GFRAL: variants seen among roughly 807,000 people sequenced by gnomAD.
The protein encoded by GFRAL is GDNF family receptor alpha like.
In GFRAL, 36 loss-of-function variants were observed where a neutral mutation model predicts 45.4. The ratio of observed to expected loss-of-function variants is 0.79; its 90% CI spans 0.61 to 1.05. The LOEUF is 1.05. GFRAL is among the 50% of genes least tolerant of loss of function. GFRAL has a pLI of 0.00. For missense variants in GFRAL, 507 were observed against 467.5 expected, an observed-to-expected ratio of 1.08 and a Z score of -0.78; for synonymous variants, 166 against 154.1, an observed-to-expected ratio of 1.08 and a Z score of -0.57.
At chr6:55,386,978 C>T (rs1240525322) in intron 6 of GFRAL, among the ~76,000 whole-genome samples, 1 of 152,134 alleles carries the variant, frequency 6.6e-6, no homozygotes, top group Non-Finnish European at 1.5e-5. Context: ...TGTCTTCTAC[C>T]TTCATTTTCT....
At chr6:55,384,376 T>C (rs1267266026) in intron 6 of GFRAL, among the ~76,000 whole-genome samples, 1 of 152,062 alleles carries the variant, frequency 6.6e-6, no homozygotes, top group Non-Finnish European at 1.5e-5. Context: ...AAACTATTAC[T>C]ATATTCCAGA....
intron 2 of GFRAL, among the ~76,000 whole-genome samples, chr6:55,333,160 G>C (rs1054047307): frequency 1.2e-4 from 18 of 152,044 alleles, no homozygotes; most frequent in African/African-American, 4.1e-4. Context: ...TATGTATGAA[G>C]CTGAAATATG....
chr6:55,337,648 G>T (rs114265225), intron 3 of GFRAL, among the ~76,000 whole-genome samples: 2,346 of 152,188 alleles, frequency 0.015, 58 homozygotes, highest in African/African-American at 0.051. Flanking sequence ...TCTTCCATTT[G>T]CTGAATTTAT....
At chr6:55,361,440 T>C (rs1768273875) in intron 6 of GFRAL, among the ~76,000 whole-genome samples, 1 of 152,100 alleles carries the variant, frequency 6.6e-6, no homozygotes, top group African/African-American at 2.4e-5. Flanking sequence ...TAATACATGA[T>C]TTACATATAA....
chr6:55,331,181 TA>T (rs1406383345), intron 1 of GFRAL, among the ~76,000 whole-genome samples: 1 of 152,100 alleles, frequency 6.6e-6, no homozygotes, highest in Non-Finnish European at 1.5e-5. Flanking sequence ...AGAGAATGTA[TA>T]AAATGAAAAT....
At chr6:55,376,114 A>G (rs1768531354) in intron 6 of GFRAL, among the ~76,000 whole-genome samples, 1 of 152,142 alleles carries the variant, frequency 6.6e-6, no homozygotes, top group Non-Finnish European at 1.5e-5. Flanking sequence ...TATTGAGATA[A>G]TCATGTGGTT....
At chr6:55,373,281 C>A (rs1006425708) in intron 6 of GFRAL, among the ~76,000 whole-genome samples, 28 of 151,988 alleles carry the variant, frequency 1.8e-4, no homozygotes, top group African/African-American at 6.5e-4. Context: ...CTTCCTTGAC[C>A]GTATTTTTCC....
chr6:55,386,940 C>T (rs1387022549), intron 6 of GFRAL, among the ~76,000 whole-genome samples: 5 of 152,114 alleles, frequency 3.3e-5, no homozygotes, highest in Non-Finnish European at 5.9e-5. Context: ...AGTGTACAAA[C>T]CCTCAACAGA....
intron 5 of GFRAL, among the ~76,000 whole-genome samples, chr6:55,357,873 A>C (rs1768217318): frequency 6.6e-6 from 1 of 151,780 alleles, no homozygotes; most frequent in Non-Finnish European, 1.5e-5. Context: ...GTACAGATGT[A>C]GTCTCTATCT....
chr6:55,387,400 A>T (rs1451670929), intron 6 of GFRAL, among the ~76,000 whole-genome samples: 1 of 152,132 alleles, frequency 6.6e-6, no homozygotes, highest in Admixed American at 6.5e-5. Flanking sequence ...TTGCATCGTG[A>T]TTGTGTATGT....
At chr6:55,343,609 T>G (rs1767999420) in intron 3 of GFRAL, among the ~76,000 whole-genome samples, 1 of 151,958 alleles carries the variant, frequency 6.6e-6, no homozygotes, top group African/African-American at 2.4e-5. Context: ...AACATCACAA[T>G]TAAAAGAACT....
chr6:55,343,403 T>C (rs1767996654), intron 3 of GFRAL, among the ~76,000 whole-genome samples: 1 of 152,154 alleles, frequency 6.6e-6, no homozygotes, highest in Non-Finnish European at 1.5e-5. Context: ...ACATGGAAAC[T>C]GAACAACCTG....
intron 3 of GFRAL, among the ~76,000 whole-genome samples, chr6:55,339,960 G>A (rs1767940061): frequency 6.6e-6 from 1 of 152,074 alleles, no homozygotes; most frequent in Non-Finnish European, 1.5e-5. Flanking sequence ...GCTGTTATGT[G>A]GAAATATTGA....
intron 6 of GFRAL, among the ~76,000 whole-genome samples, chr6:55,372,546 A>G (rs1768465107): frequency 6.6e-6 from 1 of 152,130 alleles, no homozygotes; most frequent in Non-Finnish European, 1.5e-5. Flanking sequence ...ATGCAGCTCT[A>G]CCTCAGCATA....
At chr6:55,353,943 A>C (rs964345512) in intron 5 of GFRAL, among the ~76,000 whole-genome samples, 1 of 152,062 alleles carries the variant, frequency 6.6e-6, no homozygotes, top group African/African-American at 2.4e-5. Context: ...TCATATTCCT[A>C]CATCAACAAT....
intron 6 of GFRAL, among the ~76,000 whole-genome samples, chr6:55,363,526 C>T (rs1047390890): frequency 2.0e-5 from 3 of 150,188 alleles, no homozygotes; most frequent in East Asian, 4.0e-4. Context: ...CATGCTGGTG[C>T]GCTGAACCCA....
chr6:55,363,588 T>TCG (rs1768309864), intron 6 of GFRAL, among the ~76,000 whole-genome samples: 5 of 103,754 alleles, frequency 4.8e-5, no homozygotes, highest in African/African-American at 1.8e-4. Flanking sequence ...CCCTCCCCCC[T>TCG]CCCCCCACCC....
At chr6:55,393,901 G>A (rs1768787627) in intron 6 of GFRAL, among the ~76,000 whole-genome samples, 1 of 152,084 alleles carries the variant, frequency 6.6e-6, no homozygotes. Flanking sequence ...TTGTAGTCAG[G>A]CAGAAGTGAA....
chr6:55,360,317 A>T (rs1486491263), intron 6 of GFRAL, among the ~76,000 whole-genome samples: 1 of 152,160 alleles, frequency 6.6e-6, no homozygotes, highest in Non-Finnish European at 1.5e-5. Flanking sequence ...AGAAGGAAGT[A>T]ATGGATATTT....
Sources: gnomAD v4.1 joint callset for allele counts (sites outside exome capture counted in the v4.1 genomes callset) on GRCh38, gnomAD v4.1.1 for gene constraint, MANE v1.5 for transcripts, NCBI Gene and HGNC (gene_info 2026-07-23, HGNC 2026-07-21) for gene names.